Variants in C8orf34 observed in about 807,000 individuals in gnomAD.
C8orf34 encodes chromosome 8 open reading frame 34, also known as uncharacterized protein C8orf34.
In C8orf34, 65 loss-of-function variants were observed where a neutral mutation model predicts 68.3. The ratio of observed to expected loss-of-function variants is 0.95; its 90% CI spans 0.78 to 1.17. C8orf34 has a LOEUF of 1.17. C8orf34 is among the 50% of genes most tolerant of loss of function. The probability of loss-of-function intolerance (pLI) is 0.00; values close to 1 mark genes in which losing one functional copy is unlikely to be tolerated. For missense variants in C8orf34, 664 were observed against 655.4 expected (o/e 1.01, Z -0.14); for synonymous variants, 244 against 241.2 (o/e 1.01, Z -0.11).
intron 1 of C8orf34, among the ~76,000 whole-genome samples, chr8:68,376,444 G>A (rs1807803341): frequency 1.3e-5 from 2 of 152,082 alleles, no homozygotes; most frequent in Non-Finnish European, 2.9e-5. Flanking sequence ...ATTGAAATGG[G>A]AATAAGATTA....
intron 5 of C8orf34, among the ~76,000 whole-genome samples, chr8:68,488,615 T>A (rs1489705121): frequency 1.3e-5 from 2 of 152,120 alleles, no homozygotes; most frequent in Admixed American, 1.3e-4. Flanking sequence ...AATCAGTCAA[T>A]GATGGATTGC....
intron 12 of C8orf34, among the ~76,000 whole-genome samples, chr8:68,807,328 T>C (rs1824516088): frequency 6.6e-6 from 1 of 152,244 alleles, no homozygotes; most frequent in Admixed American, 6.5e-5. Context: ...TCTAACTATA[T>C]GCAAAATAAT....
intron 7 of C8orf34, among the ~76,000 whole-genome samples, chr8:68,631,515 ACT>A (rs1260087116): frequency 6.6e-6 from 1 of 151,916 alleles, no homozygotes; most frequent in African/African-American, 2.4e-5. Flanking sequence ...CTAAGACTAA[ACT>A]CTGTTTTAAT....
intron 7 of C8orf34, among the ~76,000 whole-genome samples, chr8:68,634,449 A>G (rs1170445600): frequency 6.6e-6 from 1 of 152,208 alleles, no homozygotes; most frequent in Non-Finnish European, 1.5e-5. Context: ...AGTATTGAAA[A>G]GTCCTTAGAC....
intron 7 of C8orf34, among the ~76,000 whole-genome samples, chr8:68,589,533 GAAGAGA>G (rs1817311117): frequency 1.4e-5 from 2 of 147,458 alleles, no homozygotes; most frequent in African/African-American, 5.0e-5. Flanking sequence ...GAGAGAGAAA[GAAGAGA>G]AAGGAAAGGA....
intron 7 of C8orf34, among the ~76,000 whole-genome samples, chr8:68,631,411 G>A (rs1189671055): frequency 2.6e-5 from 4 of 152,002 alleles, no homozygotes; most frequent in Admixed American, 6.6e-5. Flanking sequence ...TGCCCAGCTA[G>A]TTATCTTTCT....
intron 4 of C8orf34, among the ~76,000 whole-genome samples, chr8:68,485,260 T>C (rs918073447): frequency 1.3e-5 from 2 of 152,238 alleles, no homozygotes; most frequent in Admixed American, 1.3e-4. Context: ...TTCTTGCTTC[T>C]TTCTGGAACA....
At chr8:68,359,229 T>C (rs1563375060) in intron 1 of C8orf34, among the ~76,000 whole-genome samples, 1 of 152,194 alleles carries the variant, frequency 6.6e-6, no homozygotes, top group Admixed American at 6.5e-5. Context: ...TTATGTGATA[T>C]ACTATGTTAG....
intron 1 of C8orf34, among the ~76,000 whole-genome samples, chr8:68,427,604 A>C (rs1025453761): frequency 6.6e-6 from 1 of 152,060 alleles, no homozygotes; most frequent in Non-Finnish European, 1.5e-5. Context: ...ATGATAGTAC[A>C]ATTAATCATC....
chr8:68,728,442 G>A (rs879349906), intron 10 of C8orf34, among the ~76,000 whole-genome samples: 1 of 152,094 alleles, frequency 6.6e-6, no homozygotes, highest in African/African-American at 2.4e-5. Context: ...TTCCAAAGTC[G>A]CTTCCATATT....
At chr8:68,646,534 G>A (rs914746301) in intron 8 of C8orf34, among the ~76,000 whole-genome samples, 4 of 152,150 alleles carry the variant, frequency 2.6e-5, no homozygotes, top group African/African-American at 7.2e-5. Flanking sequence ...TATAGTCACT[G>A]TTTTGTGCAA....
intron 6 of C8orf34, among the ~76,000 whole-genome samples, 178 bp downstream of exon 6, chr8:68,522,149 C>A (rs1468777737): frequency 6.6e-6 from 1 of 152,112 alleles, no homozygotes; most frequent in East Asian, 1.9e-4. Context: ...GAGTTTCAGA[C>A]CTGCTTTGGA....
intron 1 of C8orf34, among the ~76,000 whole-genome samples, chr8:68,367,376 T>C (rs75648074): frequency 0.064 from 1,790 of 27,884 alleles, 4 homozygotes; most frequent in Middle Eastern, 0.095. Context: ...AAATACCATT[T>C]GACCCAGCCA....
At chr8:68,493,543 A>G (rs1813402302) in intron 5 of C8orf34, among the ~76,000 whole-genome samples, 1 of 152,222 alleles carries the variant, frequency 6.6e-6, no homozygotes, top group South Asian at 2.1e-4. Flanking sequence ...GGAATGTAAA[A>G]TGGTGCAGCT....
chr8:68,710,031 T>C (rs373083358), intron 9 of C8orf34, among the ~76,000 whole-genome samples: 2 of 152,068 alleles, frequency 1.3e-5, no homozygotes, highest in East Asian at 3.9e-4. Context: ...ATAAAAGAAA[T>C]AATTGAAACC....
At chr8:68,761,042 A>C (rs1468344776) in intron 10 of C8orf34, among the ~76,000 whole-genome samples, 1 of 152,260 alleles carries the variant, frequency 6.6e-6, no homozygotes, top group Non-Finnish European at 1.5e-5. Flanking sequence ...TGCCTGGTCT[A>C]TAGCCGGTAC....
At chr8:68,391,839 G>A (rs1042207836) in intron 1 of C8orf34, among the ~76,000 whole-genome samples, 4 of 152,148 alleles carry the variant, frequency 2.6e-5, no homozygotes, top group African/African-American at 9.7e-5. Context: ...CCTGCCGAGA[G>A]TGACATAAAT....
At chr8:68,516,192 TG>T (rs1814505515) in intron 5 of C8orf34, among the ~76,000 whole-genome samples, 1 of 152,240 alleles carries the variant, frequency 6.6e-6, no homozygotes, top group Non-Finnish European at 1.5e-5. Flanking sequence ...CAGTGTTGTC[TG>T]GGAATCATTT....
chr8:68,353,894 G>C (rs1806630509), intron 1 of C8orf34, among the ~76,000 whole-genome samples: 1 of 151,784 alleles, frequency 6.6e-6, no homozygotes, highest in Non-Finnish European at 1.5e-5. Flanking sequence ...CAAATACTAT[G>C]CCATTTTATA....
Sources: gnomAD v4.1 joint callset for allele counts (sites outside exome capture counted in the v4.1 genomes callset) on GRCh38, gnomAD v4.1.1 for gene constraint, MANE v1.5 for transcripts, NCBI Gene and HGNC (gene_info 2026-07-23, HGNC 2026-07-21) for gene names.